The following IGF2R variants were observed in gnomAD, a reference collection of about 807,000 sequenced individuals.
IGF2R encodes the protein cation-independent mannose-6-phosphate receptor.
A neutral mutation model predicts 270.6 loss-of-function variants in IGF2R; 91 were observed. That is an observed-to-expected ratio of 0.34 (90% CI 0.28 to 0.40). The LOEUF (loss-of-function observed/expected upper bound fraction) is 0.40, where lower values mean the gene tolerates loss of function less well. Ranked by LOEUF, IGF2R falls within the 10% of genes least tolerant of loss-of-function variation. The pLI, the probability that IGF2R is intolerant of heterozygous loss-of-function variation, is 1.00. For synonymous variants in IGF2R, 1,316 were observed against 1,258.9 expected, an observed-to-expected ratio of 1.05 and a Z score of -0.96; for missense variants, 2,805 against 3,188.3, an observed-to-expected ratio of 0.88 and a Z score of 2.90.
intron 45 of IGF2R, among the ~76,000 whole-genome samples, chr6:160,096,852 C>G (rs972106282): frequency 3.3e-5 from 5 of 152,178 alleles, no homozygotes; most frequent in Non-Finnish European, 7.3e-5. Flanking sequence ...CCCACCACCC[C>G]CAGCAGCAGT....
intron 38 of IGF2R, 54 bp downstream of exon 38, chr6:160,079,841 T>G: frequency 7.1e-7 from 1 of 1,401,674 alleles, no homozygotes; most frequent in South Asian, 1.6e-5. Context: ...AACTAGAAAT[T>G]AGACATAGCA....
At position 160,047,860 on chromosome 6, in the gene IGF2R, A is replaced by G; in HGVS notation, c.2298A>G (p.Glu766=). The G allele has an allele frequency of 6.2e-7, 1 of 1,614,154 alleles. No individual in the cohort carries two copies. Among genetic ancestry groups the G allele is most frequent in the Non-Finnish European group, 8.5e-7 (1 of 1,179,980 alleles). ...ATGCCTGCCCGGAGGAGCCCCTGGA[A>G]TGCGTAGTGACCGACCCCTCCACGC... ...TSYACPEEPL[E]CVVTDPSTLE... Residue 766 remains glutamate (E), a synonymous_variant, in exon 17 of 48, where the codon GAA becomes GAG. Coordinates refer to ENST00000356956, the MANE Select transcript of IGF2R (RefSeq NM_000876.4).
intron 7 of IGF2R, among the ~76,000 whole-genome samples, chr6:160,030,822 G>GT (rs554469035): frequency 0.083 from 11,044 of 133,620 alleles, 469 homozygotes; most frequent in East Asian, 0.24. Context: ...AGTTCCCTCT[G>GT]TTTTTTTTTT....
chr6:160,072,670 T>C, intron 32 of IGF2R, 95 bp from the exon 33 acceptor site: 1 of 1,406,496 alleles, frequency 7.1e-7, no homozygotes, highest in Non-Finnish European at 1.0e-6. Context: ...GAAGTCCCGA[T>C]GCTGACATAA....
At chr6:160,044,433 T>C (rs1778021904) in intron 12 of IGF2R, 81 bp from the exon 13 acceptor site, 1 of 849,828 alleles carries the variant, frequency 1.2e-6, no homozygotes, top group African/African-American at 2.1e-5. Flanking sequence ...TCTTTCTTTC[T>C]TTTTTTTTTA....
intron 26 of IGF2R, among the ~76,000 whole-genome samples, chr6:160,063,039 G>GTT (rs35789923): frequency 3.6e-4 from 47 of 131,266 alleles, no homozygotes; most frequent in Admixed American, 3.8e-4. Flanking sequence ...AATTGTAAAA[G>GTT]TTTTTTTTTT....
Position 160,040,577 on chromosome 6 carries a change from ACTC to A in IGF2R, c.1336_1338del (p.Pro446del). The A allele has an allele frequency of 6.2e-7, 1 of 1,613,732 alleles. No homozygotes were observed. The highest frequency in any genetic ancestry group is 8.5e-7 in the Non-Finnish European group (1 of 1,179,780). Reference sequence around the variant, plus strand: ...TTGTGCAGGTAACGATGGGAAAGGAACTCCTGTATTCACAGGGGAGGTTGACTG... The same window carrying A: ...TTGTGCAGGTAACGATGGGAAAGGAACTGTATTCACAGGGGAGGTTGACTG... On this transcript the variant is annotated inframe_deletion, in exon 11 of 48. Coordinates refer to ENST00000356956, the MANE Select transcript of IGF2R (RefSeq NM_000876.4).
chr6:160,002,068 CA>C (rs1200731631), intron 2 of IGF2R, among the ~76,000 whole-genome samples: 3 of 152,092 alleles, frequency 2.0e-5, no homozygotes, highest in East Asian at 3.9e-4. Flanking sequence ...TATATTCTTA[CA>C]ATAAAGTAAG....
chr6:160,077,588 GT>G (rs1266418820), intron 36 of IGF2R, among the ~76,000 whole-genome samples: 9 of 152,188 alleles, frequency 5.9e-5, no homozygotes, highest in Admixed American at 2.6e-4. Context: ...GTGTTCTAGC[GT>G]TCCAGAAAGA....
chr6:160,040,641 G>T lies in IGF2R; in HGVS notation c.1397G>T (p.Cys466Phe). Residue 466 changes from cysteine to phenylalanine, a missense_variant, in exon 11 of 48, where the codon TGT (cysteine) becomes TTT (phenylalanine). Transcript: ENST00000356956. The stretch of plus-strand genomic sequence containing the variant: ...TTCACATGGGACACGGAATACGCCT[G>T]TGTTAAGGAGAAGGAAGACCTCCTC... ...YFFTWDTEYACVKEKEDLLCG... is the reference protein window; with the variant it reads ...YFFTWDTEYAFVKEKEDLLCG... The T allele has an allele frequency of 6.2e-7, 1 of 1,614,202 alleles. No individual in the cohort carries two copies.
Position 160,024,614 on chromosome 6 carries a change from C to G in IGF2R, c.556C>G (p.Leu186Val). Residue 186 changes from leucine (L) to valine (V), a missense_variant, in exon 5 of 48, where the codon CTC (leucine) becomes GTC (valine). Physicochemically the swap from Leu to Val is conservative, Grantham distance 32. This residue lies in a region of IGF2R where 954 missense variants were observed against 981.1 expected (regional missense o/e 0.97). Transcript: ENST00000356956. ...TGATGAAGAGTTGAGGAAGCATGAT[C>G]TCAATCCTCTGATCAAGCTTAGTGG... Reference protein sequence around the residue: ...VFDEELRKHDLNPLIKLSGAY... With the variant: ...VFDEELRKHDVNPLIKLSGAY... 6.2e-7 allele frequency: 1 copy of G among 1,613,996 alleles called. No individual in the cohort carries two copies. The highest frequency in any genetic ancestry group is 1.1e-5 in the South Asian group (1 of 91,072).
intron 9 of IGF2R, 42 bp downstream of exon 9, chr6:160,033,149 T>A (rs1477981646): frequency 6.7e-7 from 1 of 1,502,662 alleles, no homozygotes; most frequent in Non-Finnish European, 9.2e-7. Flanking sequence ...TTTCTTTGTA[T>A]TTCTTGAGAT....
chr6:159,969,213 C>T lies in IGF2R; in HGVS notation c.-34C>T, dbSNP rs1197041821. The T allele has an allele frequency of 2.0e-6, 2 of 984,000 alleles. No individual in the cohort carries two copies. The highest frequency in any genetic ancestry group is 5.1e-4 in the Middle Eastern group (1 of 1,944). 61.0% of individuals were successfully genotyped at this position (984,000 alleles called of 1,614,324 possible). A position where few individuals can be genotyped will look rare whatever the true frequency, so the allele number is the denominator to read the frequency against. ...GCCCCCAGCAGTCGCGCGCCGTTAG[C>T]CTCGCGCCCGCCGCGCAGTCCGGGC... On this transcript the variant is annotated 5_prime_UTR_variant, in exon 1 of 48. Coordinates refer to ENST00000356956, the MANE Select transcript of IGF2R (RefSeq NM_000876.4).
At position 160,029,659 on chromosome 6, in the gene IGF2R, A is replaced by G. The variant is rs773289806; in HGVS notation, c.882+4A>G. ...TTGCCCGTCGGAGCGGAGAGAGGTA[A>G]GTGACTCGTCTCCTGATCACTAATG... On this transcript the variant is annotated splice_donor_region_variant and intron_variant, in intron 7 of 47. Coordinates refer to ENST00000356956, the MANE Select transcript of IGF2R (RefSeq NM_000876.4). 6.3e-7 allele frequency: 1 copy of G among 1,597,206 alleles called. No homozygotes were observed. Among genetic ancestry groups the G allele is most frequent in the South Asian group, 1.1e-5 (1 of 90,690 alleles).
chr6:160,072,118 C>A, intron 32 of IGF2R, 82 bp downstream of exon 32: 1 of 1,577,096 alleles, frequency 6.3e-7, no homozygotes, highest in Non-Finnish European at 8.7e-7. Context: ...GGGGAGAGAC[C>A]CAAAGAGAAG....
chr6:160,058,447 C>A (rs2115259350), intron 21 of IGF2R, among the ~76,000 whole-genome samples: 1 of 152,270 alleles, frequency 6.6e-6, no homozygotes, highest in East Asian at 1.9e-4. Context: ...CACCAGAGAG[C>A]ATAATTGACT....
intron 2 of IGF2R, among the ~76,000 whole-genome samples, chr6:160,008,020 T>C (rs1784272529): frequency 6.6e-6 from 1 of 152,212 alleles, no homozygotes; most frequent in Non-Finnish European, 1.5e-5. Context: ...AGAATAATTA[T>C]CTTTGGCCAC....
intron 1 of IGF2R, among the ~76,000 whole-genome samples, chr6:159,988,913 A>G (rs974588061): frequency 6.6e-6 from 1 of 152,176 alleles, no homozygotes; most frequent in Non-Finnish European, 1.5e-5. Context: ...AGGTTAACGA[A>G]GGGCAAAGGA....
intron 10 of IGF2R, among the ~76,000 whole-genome samples, chr6:160,039,149 A>G (rs1777887448): frequency 6.6e-6 from 1 of 152,216 alleles, no homozygotes; most frequent in African/African-American, 2.4e-5. Context: ...AGTGTACTTA[A>G]CACACACCTA....
Sources: gnomAD v4.1 joint callset for allele counts (sites outside exome capture counted in the v4.1 genomes callset) on GRCh38, gnomAD v4.1.1 for gene constraint, gnomAD v4.1.1 regional missense constraint, MANE v1.5 for transcripts, NCBI Gene and HGNC (gene_info 2026-07-23, HGNC 2026-07-21) for gene names.